The following FANCM variants were observed in gnomAD, a reference collection of about 807,000 sequenced individuals.
FANCM encodes Fanconi anemia group M protein.
Under a neutral mutation model 199.5 loss-of-function variants are expected in FANCM, and 140 were observed. The ratio of observed to expected loss-of-function variants is 0.70; its 90% CI spans 0.61 to 0.81. FANCM has a LOEUF of 0.81. Ranked by LOEUF, FANCM falls within the 30% of genes least tolerant of loss-of-function variation. FANCM has a pLI of 0.00. For missense variants in FANCM, 2,410 were observed against 2,421.4 expected, an observed-to-expected ratio of 1.00 and a Z score of 0.10; for synonymous variants, 840 against 836.8, an observed-to-expected ratio of 1.00 and a Z score of -0.07.
intron 3 of FANCM, among the ~76,000 whole-genome samples, chr14:45,146,468 A>C (rs998029962): frequency 1.3e-5 from 2 of 151,932 alleles, no homozygotes; most frequent in Admixed American, 6.6e-5. Context: ...AAGCTGCAAG[A>C]CTTTTTTCTT....
intron 14 of FANCM, among the ~76,000 whole-genome samples, chr14:45,177,655 G>A (rs1021218471): frequency 1.3e-5 from 2 of 152,110 alleles, no homozygotes; most frequent in African/African-American, 4.8e-5. Context: ...CCCTCCCAAA[G>A]TGCTGGGATT....
chr14:45,171,109 A>T (rs1888312499), intron 12 of FANCM, among the ~76,000 whole-genome samples: 1 of 149,356 alleles, frequency 6.7e-6, no homozygotes, highest in African/African-American at 2.5e-5. Flanking sequence ...TTGACTATTT[A>T]CCTATTGTGT....
In FANCM at chr14:45,159,426, GA is replaced by G. The variant is rs1887428886; in HGVS notation, c.1581+149del. 2.8e-5 allele frequency: 17 copies of G among 600,458 alleles called. No individual in the cohort carries two copies. The South Asian group carries it at 3.8e-4, about 14-fold the overall frequency. 37.2% of individuals were successfully genotyped at this position (600,458 alleles called of 1,614,324 possible). ...GTGTAGGTAAAAATAAGCATATTTT[GA>G]AAGATGATAACAAATGTTTTATGTG... On this transcript the variant is annotated intron_variant, in intron 9 of 22. Coordinates refer to ENST00000267430, the MANE Select transcript of FANCM (RefSeq NM_020937.4).
At chr14:45,162,884 G>C (rs1485673730) in intron 9 of FANCM, among the ~76,000 whole-genome samples, 1 of 150,852 alleles carries the variant, frequency 6.6e-6, no homozygotes, top group Non-Finnish European at 1.5e-5. Context: ...TCTTTATCTG[G>C]GCAAAAAGGA....
Position 45,170,706 on chromosome 14 carries a change from A to G in FANCM, c.2120A>G (p.Gln707Arg). 1 of 1,611,910 alleles carries G rather than the reference A, an allele frequency of 6.2e-7. No homozygotes were observed. Among genetic ancestry groups the G allele is most frequent in the Non-Finnish European group, 8.5e-7 (1 of 1,178,128 alleles). Residue 707 changes from glutamine to arginine, a missense_variant, in exon 12 of 23, where the codon CAA becomes CGA. By Grantham distance (43) the Gln-to-Arg change is conservative. Transcript: ENST00000267430. ...GAAATTAAAGAGATAACATTGCCTC[A>G]AGTTCAGTTTTCTTCTTTACAAAAT... ...SDEIKEITLP[Q>R]VQFSSLQNEE...
chr14:45,167,041 G>T lies in FANCM; in HGVS notation c.1880G>T (p.Arg627Leu). Residue 627 changes from arginine to leucine, a missense_variant, in exon 11 of 23, where the codon CGA (arginine) becomes CTA (leucine). By Grantham distance (102) the Arg-to-Leu change is moderately radical. Coordinates refer to ENST00000267430, the MANE Select transcript of FANCM (RefSeq NM_020937.4). The part of the protein sequence containing the change: ...QVLHFYQRSP[R>L]MVPDGINPKL... Reference sequence around the variant, plus strand: ...CTTCATTTTTACCAAAGAAGTCCACGAATGGTTCCTGATGGAATCAACCCA... The same window carrying T: ...CTTCATTTTTACCAAAGAAGTCCACTAATGGTTCCTGATGGAATCAACCCA... 6.2e-7 allele frequency: 1 copy of T among 1,611,942 alleles called. No homozygotes were observed. The highest frequency in any genetic ancestry group is 8.5e-7 in the Non-Finnish European group (1 of 1,178,062).
chr14:45,185,269 C>G lies in FANCM; in HGVS notation c.4568C>G (p.Ala1523Gly), dbSNP rs960743288. The G allele has an allele frequency of 1.2e-6, 2 of 1,602,474 alleles. No homozygotes were observed. Among genetic ancestry groups the G allele is most frequent in the African/African-American group, 1.3e-5 (1 of 74,614 alleles). ...GAAGCAGAACTTTCTGAAGAAGATG[C>G]AGAATATGTTTCATCAGATGAAAAT... ...DDEAELSEEDAEYVSSDENDE... is the reference protein window; with the variant it reads ...DDEAELSEEDGEYVSSDENDE... The change falls in exon 18 of 23, where the codon GCA becomes GGA. Residue 1523 changes from alanine (A) to glycine (G), a missense_variant. Physicochemically the swap from Ala to Gly is moderately conservative, Grantham distance 60. Transcript: ENST00000267430.
Position 45,167,019 on chromosome 14 carries a change from C to T in FANCM, c.1858C>T (p.His620Tyr). 6.2e-7 allele frequency: 1 copy of T among 1,611,714 alleles called. No homozygotes were observed. Among genetic ancestry groups the T allele is most frequent in the South Asian group, 1.1e-5 (1 of 91,052 alleles). The change falls in exon 11 of 23, where the codon CAT becomes TAT. Residue 620 changes from histidine (H) to tyrosine (Y), a missense_variant. Coordinates refer to ENST00000267430, the MANE Select transcript of FANCM (RefSeq NM_020937.4). Reference sequence around the variant, plus strand: ...TATTTCAAGTAACAGGCAGGTCCTTCATTTTTACCAAAGAAGTCCACGAAT... The same window carrying T: ...TATTTCAAGTAACAGGCAGGTCCTTTATTTTTACCAAAGAAGTCCACGAAT... ...KAISSNRQVL[H>Y]FYQRSPRMVP...
At chr14:45,181,545 A>G in intron 15 of FANCM, 21 bp downstream of exon 15, 4 of 1,538,532 alleles carry the variant, frequency 2.6e-6, no homozygotes, top group Non-Finnish European at 3.6e-6. Flanking sequence ...CAGTAATCAC[A>G]ATAGTATAAT....
intron 8 of FANCM, among the ~76,000 whole-genome samples, chr14:45,155,731 G>A (rs1400740546): frequency 6.6e-6 from 1 of 152,220 alleles, no homozygotes; most frequent in Non-Finnish European, 1.5e-5. Context: ...CCTGGGAGGT[G>A]AAGGTTGCAG....
Position 45,200,231 on chromosome 14 carries a change from TAAAAC to T in FANCM, c.*226_*230del, listed in dbSNP as rs1890289636. On this transcript the variant is annotated 3_prime_UTR_variant, in exon 23 of 23. Transcript: ENST00000267430. ...TATAAAACTAATTTTTCTTATTAAA[TAAAAC>T]AAGGTTTATTAAAAGTGTTACTAAG... The T allele has an allele frequency of 5.8e-6, 1 of 172,242 alleles. No individual in the cohort carries two copies. The highest frequency in any genetic ancestry group is 2.4e-5 in the African/African-American group (1 of 41,824). The allele number at this position is 172,242 out of a possible 1,614,324, so 10.7% of individuals were successfully genotyped here.
At chr14:45,190,896 G>A (rs1889727517) in intron 20 of FANCM, among the ~76,000 whole-genome samples, 4 of 152,102 alleles carry the variant, frequency 2.6e-5, no homozygotes. Flanking sequence ...TTATTGTGTT[G>A]CTTAGGCTGG....
intron 5 of FANCM, among the ~76,000 whole-genome samples, chr14:45,152,762 C>T (rs1036241308): frequency 6.6e-6 from 1 of 152,094 alleles, no homozygotes; most frequent in Non-Finnish European, 1.5e-5. Flanking sequence ...TACCACGAAA[C>T]CGGATATGAT....
In FANCM at chr14:45,155,178, A is replaced by C. The variant is rs73340682; in HGVS notation, c.1310-195A>C. Among the ~76,000 whole-genome samples, 7,352 of 152,160 alleles carry C rather than the reference A, an allele frequency of 0.048. 621 individuals are homozygous for C. The highest frequency in any genetic ancestry group is 0.17 in the African/African-American group (6,890 of 41,472). On this transcript the variant is annotated intron_variant, in intron 7 of 22. Transcript: ENST00000267430. Reference sequence around the variant, plus strand: ...TTCCTCTTTAGGTTCTCTCAGAATGAAATTTTTATGAAAGTTCAAAGTTCA... The same window carrying C: ...TTCCTCTTTAGGTTCTCTCAGAATGCAATTTTTATGAAAGTTCAAAGTTCA...
rs1885582077 is a variant in FANCM, at chr14:45,137,198, T to C, written c.638T>C (p.Ile213Thr). The change falls in exon 2 of 23, where the codon ATT becomes ACT. Residue 213 changes from isoleucine to threonine, a missense_variant. Transcript: ENST00000267430. ...GCTGCTGAAATAAAGTGTTTAGTTA[T>C]TGATGAAGCTCATAAAGCTCTCGGA... is the stretch of plus-strand genomic sequence containing the variant. ...CPAAEIKCLV[I>T]DEAHKALGNY... The C allele has an allele frequency of 1.9e-6, 3 of 1,613,518 alleles. No individual in the cohort carries two copies. The highest frequency in any genetic ancestry group is 1.1e-5 in the South Asian group (1 of 91,090).
intron 16 of FANCM, among the ~76,000 whole-genome samples, chr14:45,183,043 A>G (rs1889167795): frequency 6.6e-6 from 1 of 152,136 alleles, no homozygotes; most frequent in South Asian, 2.1e-4. Flanking sequence ...AGGTCGAAAA[A>G]TCATTAAGTT....
At chr14:45,169,449 G>A (rs1888202736) in intron 11 of FANCM, among the ~76,000 whole-genome samples, 1 of 150,832 alleles carries the variant, frequency 6.6e-6, no homozygotes, top group Non-Finnish European at 1.5e-5. Flanking sequence ...CACAAGTTTG[G>A]AATACCTGAG....
At chr14:45,138,592 A>T (rs1048469876) in intron 2 of FANCM, among the ~76,000 whole-genome samples, 1 of 152,154 alleles carries the variant, frequency 6.6e-6, no homozygotes, top group Non-Finnish European at 1.5e-5. Flanking sequence ...ACATAGTGAG[A>T]CCCTGTGTCT....
chr14:45,151,452 A>T lies in FANCM; in HGVS notation c.974A>T (p.Asp325Val). The change falls in exon 5 of 23, where the codon GAT becomes GTT. Residue 325 changes from aspartate (D) to valine (V), a missense_variant. Physicochemically the swap from Asp to Val is radical, Grantham distance 152. Coordinates refer to ENST00000267430, the MANE Select transcript of FANCM (RefSeq NM_020937.4). ...LIQRNVLMRRDIPNLTKYQII... is the reference protein window; with the variant it reads ...LIQRNVLMRRVIPNLTKYQII... ...CAGAGGAATGTTTTGATGAGAAGGG[A>T]TATCCCAAATCTAACAAAATATCAG... The T allele has an allele frequency of 1.9e-6, 3 of 1,612,524 alleles. No homozygotes were observed. The highest frequency in any genetic ancestry group is 2.5e-6 in the Non-Finnish European group (3 of 1,178,584).
Sources: allele counts gnomAD v4.1 joint callset (sites outside exome capture counted in the v4.1 genomes callset), GRCh38; gene constraint gnomAD v4.1.1; transcripts MANE v1.5; gene names NCBI Gene and HGNC (gene_info 2026-07-23, HGNC 2026-07-21).